RASSF2: variants seen among roughly 807,000 people sequenced by gnomAD.
The protein encoded by RASSF2 is Ras association domain family member 2.
A neutral mutation model predicts 46.3 loss-of-function variants in RASSF2; 34 were observed. The observed-to-expected ratio is 0.73, with a 90% CI of 0.56 to 0.98. The LOEUF is 0.98. Among genes scored for constraint, RASSF2 ranks in the 50% least tolerant of loss-of-function variants. RASSF2 has a pLI of 0.00. For synonymous variants in RASSF2, 158 were observed against 162.5 expected (o/e 0.97, Z 0.21); for missense variants, 364 against 431.2 (o/e 0.84, Z 1.38).
At chr20:4,793,925 G>A (rs1006314761) in intron 5 of RASSF2, among the ~76,000 whole-genome samples, 1 of 152,196 alleles carries the variant, frequency 6.6e-6, no homozygotes, top group Admixed American at 6.5e-5. Flanking sequence ...GAAGGGAGAA[G>A]AAGCAGGCGG....
intron 8 of RASSF2, among the ~76,000 whole-genome samples, chr20:4,788,683 C>A (rs974643980): frequency 1.3e-5 from 2 of 152,174 alleles, no homozygotes; most frequent in African/African-American, 2.4e-5. Context: ...ATTTGTGTAT[C>A]TAAACATATC....
chr20:4,788,727 A>G (rs1334320088), intron 8 of RASSF2, among the ~76,000 whole-genome samples: 1 of 152,242 alleles, frequency 6.6e-6, no homozygotes, highest in Non-Finnish European at 1.5e-5. Flanking sequence ...AAAATGGATT[A>G]TAATCTTACG....
At position 4,782,997 on chromosome 20, in the gene RASSF2, T is replaced by C. The variant is rs1000844924; in HGVS notation, c.*1276A>G. 8 of 152,376 alleles carry C rather than the reference T, an allele frequency of 5.3e-5. No homozygotes were observed. The highest frequency in any genetic ancestry group is 4.6e-4 in the Admixed American group (7 of 15,290). 9.4% of individuals were successfully genotyped at this position (152,376 alleles called of 1,614,324 possible). A position where few individuals can be genotyped will look rare whatever the true frequency, so the allele number is the denominator to read the frequency against. On this transcript the variant is annotated 3_prime_UTR_variant, in exon 12 of 12. Coordinates refer to ENST00000379400, the MANE Select transcript of RASSF2 (RefSeq NM_014737.3). ...AGACTGTTCTTGCCCTTTTCTCCCA[T>C]TGGGGTTGGATTTAAAGATCACATA...
At chr20:4,823,286 T>TGCCCCGC (rs1218811763) in intron 1 of RASSF2, among the ~76,000 whole-genome samples, 17 of 151,832 alleles carry the variant, frequency 1.1e-4, no homozygotes, top group South Asian at 2.1e-4. Flanking sequence ...TCGCTCCCAG[T>TGCCCCGC]GCCCCGCGCC....
At chr20:4,785,084 T>C (rs1601078717) in intron 11 of RASSF2, among the ~76,000 whole-genome samples, 1 of 139,262 alleles carries the variant, frequency 7.2e-6, no homozygotes, top group Non-Finnish European at 1.5e-5. Flanking sequence ...CCGAGGAGGG[T>C]GGATCACTTG....
chr20:4,804,861 G>A (rs1927213226), intron 2 of RASSF2, among the ~76,000 whole-genome samples: 1 of 152,150 alleles, frequency 6.6e-6, no homozygotes, highest in African/African-American at 2.4e-5. Context: ...CTCTGTCAAG[G>A]GAGGGTGAGT....
rs2422976 is a variant in RASSF2, at chr20:4,782,438, G to C, written c.*1835C>G. ...GTAACAAAGGAAGCCTCTCCCGGTG[G>C]CTACTCTTTGTCTTCTTACCCCAGT... On this transcript the variant is annotated 3_prime_UTR_variant, in exon 12 of 12. Transcript: ENST00000379400. 0.7 allele frequency: 106,910 copies of C among 152,676 alleles called. 37,620 individuals are homozygous for C. The highest frequency in any genetic ancestry group is 0.73 in the Non-Finnish European group (49,857 of 68,024). The allele number at this position is 152,676 out of a possible 1,614,324, so 9.5% of individuals were successfully genotyped here.
At chr20:4,789,460 A>G in intron 8 of RASSF2, 136 bp downstream of exon 8, 1 of 665,226 alleles carries the variant, frequency 1.5e-6, no homozygotes, top group Admixed American at 2.8e-5. Context: ...CTGGATCGTG[A>G]GGATCTAAAG....
chr20:4,802,914 A>ATATAT (rs201370394), intron 2 of RASSF2, among the ~76,000 whole-genome samples: 3 of 95,580 alleles, frequency 3.1e-5, no homozygotes, highest in Admixed American at 1.1e-4. Context: ...ATATATATAT[A>ATATAT]TTTTTTTTTT....
In RASSF2 at chr20:4,817,941, A is replaced by G. The variant is rs1928427486; in HGVS notation, c.-33+4388T>C. Among the ~76,000 whole-genome samples, 3 of 152,212 alleles carry G rather than the reference A, an allele frequency of 2.0e-5. No individual in the cohort carries two copies. In the South Asian group the frequency reaches 6.2e-4, roughly 31 times the overall value. ...AATCCCTTGCCTTGGAGATGGGGAA[A>G]CTGAGAACCAGAGTCTCACAGCATA... On this transcript the variant is annotated intron_variant, in intron 2 of 11. Coordinates refer to ENST00000379400, the MANE Select transcript of RASSF2 (RefSeq NM_014737.3).
intron 2 of RASSF2, among the ~76,000 whole-genome samples, chr20:4,809,071 T>TC (rs1927565723): frequency 6.6e-6 from 1 of 152,214 alleles, no homozygotes; most frequent in South Asian, 2.1e-4. Context: ...AGTCAAGTTT[T>TC]CCCTCTGACA....
chr20:4,801,893 C>G (rs1043137627), intron 2 of RASSF2, among the ~76,000 whole-genome samples: 2 of 152,094 alleles, frequency 1.3e-5, no homozygotes, highest in Non-Finnish European at 2.9e-5. Flanking sequence ...TGCCCGCCAT[C>G]ACGCCAGGCT....
In RASSF2 at chr20:4,812,975, G is replaced by A. The variant is rs575234165; in HGVS notation, c.-33+9354C>T. Among the ~76,000 whole-genome samples the A allele has an allele frequency of 7.9e-5, 12 of 152,284 alleles. No homozygotes were observed. The South Asian group carries it at 2.5e-3, about 32-fold the overall frequency. Reference sequence around the variant, plus strand: ...TGACCAGCCCAGAGGACAAGCTGTGGGAAAAGCAGACCCTGCAGGGGCCAG... The same window carrying A: ...TGACCAGCCCAGAGGACAAGCTGTGAGAAAAGCAGACCCTGCAGGGGCCAG... On this transcript the variant is annotated intron_variant, in intron 2 of 11. Coordinates refer to ENST00000379400, the MANE Select transcript of RASSF2 (RefSeq NM_014737.3). This position sits in a 1 kb window ranked among gnomAD's most constrained non-coding sequence, Gnocchi z 4.0.
chr20:4,796,055 A>G (rs965521782), intron 4 of RASSF2, 89 bp from the exon 5 acceptor site: 11 of 1,386,736 alleles, frequency 7.9e-6, no homozygotes, highest in Non-Finnish European at 1.0e-5. Flanking sequence ...CATTCTTCAC[A>G]TGTCCTGGCT....
chr20:4,800,870 G>T, intron 3 of RASSF2, 102 bp downstream of exon 3: 1 of 963,430 alleles, frequency 1.0e-6, no homozygotes, highest in South Asian at 1.3e-5. Context: ...CCACCAGTCT[G>T]ATATACAGTG....
intron 2 of RASSF2, among the ~76,000 whole-genome samples, chr20:4,816,131 G>A (rs566229887): frequency 6.6e-6 from 1 of 152,128 alleles, no homozygotes; most frequent in East Asian, 1.9e-4. Flanking sequence ...GCAAAACCTT[G>A]TCTCTATAAA....
rs1160208020 is a variant in RASSF2 at position 4,812,304 on chromosome 20, G to A, written c.-33+10025C>T. On this transcript the variant is annotated intron_variant, in intron 2 of 11. Coordinates refer to ENST00000379400, the MANE Select transcript of RASSF2 (RefSeq NM_014737.3). The surrounding 1 kb of genome is among the most constrained non-coding windows in gnomAD (Gnocchi z 4.0). Reference sequence around the variant, plus strand: ...TTAACCCCTACACCAACCTCATTACGAAAGAAACTTTATTATCCTCATTTT... The same window carrying A: ...TTAACCCCTACACCAACCTCATTACAAAAGAAACTTTATTATCCTCATTTT... Among the ~76,000 whole-genome samples the A allele has an allele frequency of 1.3e-5, 2 of 152,140 alleles. No individual in the cohort carries two copies. Among genetic ancestry groups the A allele is most frequent in the African/African-American group, 4.8e-5 (2 of 41,412 alleles).
chr20:4,797,739 C>T (rs2014544490), intron 4 of RASSF2, among the ~76,000 whole-genome samples: 1 of 152,124 alleles, frequency 6.6e-6, no homozygotes, highest in Admixed American at 6.5e-5. Context: ...CATGAAAGCT[C>T]CCTCTGGAGA....
chr20:4,792,924 A>G (rs1161799858), intron 5 of RASSF2: 2 of 426,992 alleles, frequency 4.7e-6, no homozygotes, highest in Non-Finnish European at 8.3e-6. Flanking sequence ...CCCAGGATGG[A>G]TAATACCAAG....
Sources: allele counts gnomAD v4.1 joint callset (sites outside exome capture counted in the v4.1 genomes callset), GRCh38; gene constraint gnomAD v4.1.1; non-coding constraint Gnocchi (gnomAD v3.1); transcripts MANE v1.5; gene names NCBI Gene and HGNC (gene_info 2026-07-23, HGNC 2026-07-21).